MYT1L: variants seen among roughly 807,000 people sequenced by gnomAD.
The protein encoded by MYT1L is myelin transcription factor 1-like protein.
Under a neutral mutation model 126.7 loss-of-function variants are expected in MYT1L, and 12 were observed. The observed-to-expected ratio is 0.09, with a 90% confidence interval of 0.06 to 0.15. The LOEUF is 0.15. MYT1L is among the 10% of genes least tolerant of loss of function. The pLI is 1.00. For synonymous variants in MYT1L, 541 were observed against 604.2 expected, an observed-to-expected ratio of 0.90 and a Z score of 1.53; for missense variants, 979 against 1,585.2, an observed-to-expected ratio of 0.62 and a Z score of 6.49.
At chr2:2,299,424 G>A (rs2095750275) in intron 1 of MYT1L, among the ~76,000 whole-genome samples, 1 of 152,212 alleles carries the variant, frequency 6.6e-6, no homozygotes, top group African/African-American at 2.4e-5. Context: ...TCGAACTGGT[G>A]TGGGCAGGAG....
chr2:1,824,558 G>A (rs1241616837), intron 21 of MYT1L: 1 of 152,344 alleles, frequency 6.6e-6, no homozygotes, highest in East Asian at 1.9e-4. Context: ...GAACTCAGGG[G>A]CCAGCCTGTG....
At chr2:1,882,890 T>A (rs1326386036) in intron 18 of MYT1L, among the ~76,000 whole-genome samples, 1 of 152,210 alleles carries the variant, frequency 6.6e-6, no homozygotes, top group Non-Finnish European at 1.5e-5. Flanking sequence ...AAAATGTTAA[T>A]TCTTTGATTT....
At chr2:1,883,166 T>C (rs1489946819) in intron 18 of MYT1L, among the ~76,000 whole-genome samples, 1 of 152,192 alleles carries the variant, frequency 6.6e-6, no homozygotes, top group Non-Finnish European at 1.5e-5. Context: ...CTCGTGGTAT[T>C]ATAAGATAAA....
chr2:1,982,739 A>T (rs1426598431), intron 5 of MYT1L, among the ~76,000 whole-genome samples: 2 of 152,184 alleles, frequency 1.3e-5, no homozygotes, highest in African/African-American at 4.8e-5. Flanking sequence ...AGTAGGGCAC[A>T]GAATTCTCAA....
At chr2:1,888,535 G>C (rs910964733) in intron 16 of MYT1L, among the ~76,000 whole-genome samples, 4 of 152,038 alleles carry the variant, frequency 2.6e-5, no homozygotes, top group African/African-American at 9.7e-5. Flanking sequence ...TCTCTCTATT[G>C]TACTAAAAAC....
At chr2:1,880,760 C>T (rs991219969) in intron 18 of MYT1L, among the ~76,000 whole-genome samples, 9 of 152,146 alleles carry the variant, frequency 5.9e-5, no homozygotes, top group African/African-American at 9.7e-5. Context: ...CCATGGTCTG[C>T]GTTTTCTTTT....
intron 20 of MYT1L, 41 bp downstream of exon 20, chr2:1,840,719 G>T: frequency 7.0e-7 from 1 of 1,423,066 alleles, no homozygotes; most frequent in Non-Finnish European, 9.7e-7. Context: ...GTCCCCACAT[G>T]GCAGCCCTGC....
intron 9 of MYT1L, among the ~76,000 whole-genome samples, chr2:1,927,963 T>C (rs1439725467): frequency 6.6e-6 from 1 of 152,210 alleles, no homozygotes; most frequent in Non-Finnish European, 1.5e-5. Flanking sequence ...TATTTCTTTT[T>C]GTTTGTTTGA....
intron 1 of MYT1L, among the ~76,000 whole-genome samples, chr2:2,320,492 A>AAG (rs1430321747): frequency 4.9e-4 from 74 of 149,862 alleles, no homozygotes; most frequent in African/African-American, 1.7e-3. Flanking sequence ...AAAAAAAAAG[A>AAG]AAAAAAAAGC....
chr2:2,217,342 A>T (rs1432749472), intron 2 of MYT1L, among the ~76,000 whole-genome samples: 1 of 152,190 alleles, frequency 6.6e-6, no homozygotes, highest in Non-Finnish European at 1.5e-5. Context: ...AGGTTAATTT[A>T]GAATTTGAAA....
intron 2 of MYT1L, among the ~76,000 whole-genome samples, chr2:2,184,300 G>A (rs147788261): frequency 6.6e-6 from 1 of 152,276 alleles, no homozygotes; most frequent in East Asian, 1.9e-4. Context: ...GCATGTGTGT[G>A]TTCAAGAGAA....
intron 4 of MYT1L, among the ~76,000 whole-genome samples, chr2:1,998,210 C>T (rs1027789712): frequency 1.3e-5 from 2 of 152,174 alleles, no homozygotes; most frequent in African/African-American, 4.8e-5. Context: ...GTGCTTCTTG[C>T]TCTCCAGGGT....
chr2:2,213,988 G>T (rs1330959320), intron 2 of MYT1L, among the ~76,000 whole-genome samples: 2 of 151,950 alleles, frequency 1.3e-5, no homozygotes, highest in Non-Finnish European at 2.9e-5. Context: ...GAAGACAGGA[G>T]ATATTTTAAA....
At chr2:1,877,216 A>G (rs538087965) in intron 18 of MYT1L, among the ~76,000 whole-genome samples, 1 of 152,250 alleles carries the variant, frequency 6.6e-6, no homozygotes, top group South Asian at 2.1e-4. Flanking sequence ...GGTGCTGGAG[A>G]CTTTTATCAC....
chr2:2,136,783 C>G, intron 3 of MYT1L, among the ~76,000 whole-genome samples: 1 of 152,106 alleles, frequency 6.6e-6, no homozygotes, highest in Non-Finnish European at 1.5e-5. Flanking sequence ...TGGCACAAGA[C>G]AGGGATGCCC....
chr2:1,952,069 T>C (rs955005167), intron 8 of MYT1L, among the ~76,000 whole-genome samples: 1 of 152,232 alleles, frequency 6.6e-6, no homozygotes, highest in African/African-American at 2.4e-5. Flanking sequence ...TTTCTCTGTA[T>C]TGTTACAAAG....
At chr2:2,280,643 C>T (rs974396807) in intron 2 of MYT1L, among the ~76,000 whole-genome samples, 1 of 152,190 alleles carries the variant, frequency 6.6e-6, no homozygotes, top group African/African-American at 2.4e-5. Flanking sequence ...TAACACACAT[C>T]AACTTCGTAG....
intron 2 of MYT1L, among the ~76,000 whole-genome samples, chr2:2,186,722 T>G (rs1301437053): frequency 6.6e-6 from 1 of 152,222 alleles, no homozygotes; most frequent in Non-Finnish European, 1.5e-5. Context: ...CATCGCAGAA[T>G]CAAAAATCTA....
intron 2 of MYT1L, among the ~76,000 whole-genome samples, chr2:2,243,425 T>A (rs1311521409): frequency 9.2e-5 from 14 of 152,232 alleles, no homozygotes; most frequent in African/African-American, 2.4e-4. Context: ...CTCCCTTAAT[T>A]GGGACAGTGG....
Sources: allele counts gnomAD v4.1 joint callset (sites outside exome capture counted in the v4.1 genomes callset), GRCh38; gene constraint gnomAD v4.1.1; transcripts MANE v1.5; gene names NCBI Gene and HGNC (gene_info 2026-07-23, HGNC 2026-07-21).